ZNF197: variants seen among roughly 807,000 people sequenced by gnomAD.
The protein encoded by ZNF197 is zinc finger protein 197, also known as VHL-associated KRAB-A domain-containing protein.
Under a neutral mutation model 27.4 loss-of-function variants are expected in ZNF197, and 14 were observed. The ratio of observed to expected loss-of-function variants is 0.51; its 90% CI spans 0.34 to 0.80. ZNF197 has a LOEUF of 0.80. ZNF197 is among the 30% of genes least tolerant of loss of function. ZNF197 has a pLI of 0.02. For missense variants in ZNF197, 1,090 were observed against 1,222.6 expected (o/e 0.89, Z 1.62); for synonymous variants, 415 against 420.0 (o/e 0.99, Z 0.15).
At chr3:44,627,620 C>G (rs1193907220) in intron 1 of ZNF197, among the ~76,000 whole-genome samples, 1 of 152,040 alleles carries the variant, frequency 6.6e-6, no homozygotes, top group Non-Finnish European at 1.5e-5. Context: ...ATCACGAGGT[C>G]AAGAGATTGA....
intron 5 of ZNF197, among the ~76,000 whole-genome samples, chr3:44,639,152 T>C (rs974222365): frequency 2.0e-5 from 3 of 152,256 alleles, no homozygotes; most frequent in Admixed American, 2.0e-4. Context: ...TATACCAACA[T>C]TATTTTCCTG....
rs1457865167 is a variant in ZNF197, at chr3:44,629,079, A to G, written c.-76A>G. The stretch of plus-strand genomic sequence containing the variant: ...GATTTCTTGAGGTCTTGTAGATGAT[A>G]CTCTCCAAGCTGTAAGGAAGAAGTC... On this transcript the variant is annotated 5_prime_UTR_variant, in exon 2 of 6. The change creates a new upstream start codon in the 5' untranslated region. Coordinates refer to ENST00000344387, the MANE Select transcript of ZNF197 (RefSeq NM_006991.5). 2.0e-6 allele frequency: 3 copies of G among 1,517,870 alleles called. No homozygotes were observed. The highest frequency in any genetic ancestry group is 1.4e-5 in the South Asian group (1 of 73,202). The allele number at this position is 1,517,870 out of a possible 1,614,324, so 94.0% of individuals were successfully genotyped here. A position where few individuals can be genotyped will look rare whatever the true frequency, so the allele number is the denominator to read the frequency against.
rs1426571796 is a variant in ZNF197 at position 44,647,704 on chromosome 3, A to G, written c.*3484A>G. The G allele has an allele frequency of 6.6e-6, 1 of 152,258 alleles. No individual in the cohort carries two copies. The highest frequency in any genetic ancestry group is 1.5e-5 in the Non-Finnish European group (1 of 68,038). The allele number at this position is 152,258 out of a possible 1,614,324, so 9.4% of individuals were successfully genotyped here. ...TGAGTGAAAATAATCACAAAAGGCCATATTCTGTATGAAAATATTCATATA... is the reference window on the plus strand; with the variant it reads ...TGAGTGAAAATAATCACAAAAGGCCGTATTCTGTATGAAAATATTCATATA... On this transcript the variant is annotated 3_prime_UTR_variant, in exon 6 of 6. Transcript: ENST00000344387.
intron 5 of ZNF197, among the ~76,000 whole-genome samples, chr3:44,633,002 C>T (rs1013410380): frequency 3.9e-5 from 6 of 152,264 alleles, no homozygotes; most frequent in Non-Finnish European, 5.9e-5. Flanking sequence ...TGCCTAAGGC[C>T]TTCTAAAATG....
chr3:44,635,183 A>C (rs544567689), intron 5 of ZNF197, among the ~76,000 whole-genome samples: 2 of 150,238 alleles, frequency 1.3e-5, no homozygotes, highest in East Asian at 1.9e-4. Context: ...AAAAAAAAAA[A>C]CCAATAAAAT....
rs574855109 is a variant in ZNF197 at position 44,632,290 on chromosome 3, C to T, written c.642+94C>T. On this transcript the variant is annotated intron_variant, in intron 4 of 5. Transcript: ENST00000344387. ...CTTGTGCTTCAATGTCCAGTCAGTTCCCATTTCTAAATCAGGGTCTATGCT... is the reference window on the plus strand; with the variant it reads ...CTTGTGCTTCAATGTCCAGTCAGTTTCCATTTCTAAATCAGGGTCTATGCT... 2.0e-6 allele frequency: 3 copies of T among 1,529,362 alleles called. No individual in the cohort carries two copies. In the South Asian group the frequency reaches 3.4e-5, roughly 17 times the overall value. The allele number at this position is 1,529,362 out of a possible 1,614,324, so 94.7% of individuals were successfully genotyped here.
rs1265971104 is a variant in ZNF197, at chr3:44,640,169, A to G, written c.770-1731A>G. On this transcript the variant is annotated intron_variant, in intron 5 of 5. Transcript: ENST00000344387. The surrounding 1 kb of genome is among the most constrained non-coding windows in gnomAD (Gnocchi z 4.0). ...TTTTCTACAAAGTCTTAAAAAGCTC[A>G]AGAGGCCCATATATAGTCTGATTCC... Among the ~76,000 whole-genome samples, 1 of 152,218 alleles carries G rather than the reference A, an allele frequency of 6.6e-6. No homozygotes were observed. Among genetic ancestry groups the G allele is most frequent in the African/African-American group, 2.4e-5 (1 of 41,462 alleles).
At position 44,629,143 on chromosome 3, in the gene ZNF197, C is replaced by CAA. The variant is rs781155548; in HGVS notation, c.-7_-6dup. 1 of 1,591,874 alleles carries CAA rather than the reference C, an allele frequency of 6.3e-7. No individual in the cohort carries two copies. Among genetic ancestry groups the CAA allele is most frequent in the Non-Finnish European group, 8.5e-7 (1 of 1,172,786 alleles). On this transcript the variant is annotated 5_prime_UTR_variant, in exon 2 of 6. Transcript: ENST00000344387. ...ACCTGGACTGGAGAGGAGCCTTTTT[C>CAA]AAAAAACAACAATGACAAGAGAAAA... is the stretch of plus-strand genomic sequence containing the variant.
At chr3:44,639,968 G>C (rs1702505926) in intron 5 of ZNF197, among the ~76,000 whole-genome samples, 1 of 152,168 alleles carries the variant, frequency 6.6e-6, no homozygotes, top group Non-Finnish European at 1.5e-5. Context: ...GTTTTGTGCA[G>C]GTAAGTGACA....
In ZNF197 at chr3:44,647,477, C is replaced by G. The variant is rs558136971; in HGVS notation, c.*3257C>G. 2 of 152,076 alleles carry G rather than the reference C, an allele frequency of 1.3e-5. No individual in the cohort carries two copies. The highest frequency in any genetic ancestry group is 2.4e-5 in the African/African-American group (1 of 41,416). The allele number at this position is 152,076 out of a possible 1,614,324, so 9.4% of individuals were successfully genotyped here. On this transcript the variant is annotated 3_prime_UTR_variant, in exon 6 of 6. Transcript: ENST00000344387. ...TTTATCCCAGAGAAATGAAAACTTG[C>G]GTTCACACAAAAACCTGTATACGAA...
Position 44,646,127 on chromosome 3 carries a change from C to G in ZNF197, c.*1907C>G. On this transcript the variant is annotated 3_prime_UTR_variant, in exon 6 of 6. Transcript: ENST00000344387. ...CTGGAAGGGGCCTAAGGCTTAAAGT[C>G]TTAAGACCTGGATGTGGTTCAGGTT... The G allele has an allele frequency of 1.0e-6, 1 of 985,320 alleles. No homozygotes were observed. The highest frequency in any genetic ancestry group is 1.2e-6 in the Non-Finnish European group (1 of 829,864). The allele number at this position is 985,320 out of a possible 1,614,324, so 61.0% of individuals were successfully genotyped here. A position where few individuals can be genotyped will look rare whatever the true frequency, so the allele number is the denominator to read the frequency against.
At chr3:44,632,334 C>A in intron 4 of ZNF197, 138 bp downstream of exon 4, 3 of 1,479,384 alleles carry the variant, frequency 2.0e-6, no homozygotes, top group South Asian at 1.2e-5. Context: ...ACAGACTTTA[C>A]ATGTGATCTC....
intron 4 of ZNF197, 132 bp downstream of exon 4, chr3:44,632,328 A>T: frequency 6.7e-7 from 1 of 1,489,362 alleles, no homozygotes; most frequent in Admixed American, 1.8e-5. Context: ...TGGAAGACAG[A>T]CTTTACATGT....
intron 5 of ZNF197, among the ~76,000 whole-genome samples, chr3:44,639,483 T>TA (rs1221777976): frequency 6.6e-6 from 1 of 151,238 alleles, no homozygotes; most frequent in Non-Finnish European, 1.5e-5. Context: ...TTTTTTTTTT[T>TA]AATTATTGAT....
rs1459835898 is a variant in ZNF197 at position 44,645,411 on chromosome 3, G to T, written c.*1191G>T. 2.0e-6 allele frequency: 2 copies of T among 985,206 alleles called. No homozygotes were observed. Among genetic ancestry groups the T allele is most frequent in the East Asian group, 2.3e-4 (2 of 8,808 alleles). The allele number at this position is 985,206 out of a possible 1,614,324, so 61.0% of individuals were successfully genotyped here. On this transcript the variant is annotated 3_prime_UTR_variant, in exon 6 of 6. Coordinates refer to ENST00000344387, the MANE Select transcript of ZNF197 (RefSeq NM_006991.5). ...AGCTAACTGGAATTTAGTGTTCTAA[G>T]AATAATTTTGTTAAATTTACCTTTA...
At position 44,646,161 on chromosome 3, in the gene ZNF197, T is replaced by C. The variant is rs140040968; in HGVS notation, c.*1941T>C. ...TGGATGTGGTTCAGGTTTTGCCATC[T>C]GCCTCAGAAAAAATCTCTTCAGTTC... On this transcript the variant is annotated 3_prime_UTR_variant, in exon 6 of 6. Coordinates refer to ENST00000344387, the MANE Select transcript of ZNF197 (RefSeq NM_006991.5). 215 of 984,116 alleles carry C rather than the reference T, an allele frequency of 2.2e-4. 1 individual carries two copies. Among genetic ancestry groups the C allele is most frequent in the African/African-American group, 1.7e-3 (98 of 57,342 alleles). The allele number at this position is 984,116 out of a possible 1,614,324, so 61.0% of individuals were successfully genotyped here.
At chr3:44,629,680 T>A in intron 2 of ZNF197, 136 bp downstream of exon 2, 1 of 1,182,428 alleles carries the variant, frequency 8.5e-7, no homozygotes, top group Non-Finnish European at 1.1e-6. Flanking sequence ...TAATGATAAT[T>A]AAAGCAGGTC....
In ZNF197 at chr3:44,631,157, A is replaced by G; in HGVS notation, c.486A>G (p.Ala162=). The G allele has an allele frequency of 1.9e-6, 3 of 1,614,162 alleles. No individual in the cohort carries two copies. The highest frequency in any genetic ancestry group is 2.5e-6 in the Non-Finnish European group (3 of 1,180,032). Residue 162 remains alanine (A), a synonymous_variant, in exon 3 of 6, where the codon GCA becomes GCG. Transcript: ENST00000344387. ...LPPVLPGSHI[A]AEICPHPPTD... Reference sequence around the variant, plus strand: ...CTGTACTTCCTGGCAGCCACATAGCAGCTGAAATTTGCCCGCATCCTCCTA... The same window carrying G: ...CTGTACTTCCTGGCAGCCACATAGCGGCTGAAATTTGCCCGCATCCTCCTA...
intron 1 of ZNF197, among the ~76,000 whole-genome samples, chr3:44,626,771 T>C (rs1014970794): frequency 1.3e-5 from 2 of 152,206 alleles, no homozygotes; most frequent in Non-Finnish European, 1.5e-5. Context: ...GAGGTCAAAT[T>C]GGCAATATCA....
Sources: allele counts gnomAD v4.1 joint callset (sites outside exome capture counted in the v4.1 genomes callset), GRCh38; gene constraint gnomAD v4.1.1; non-coding constraint Gnocchi (gnomAD v3.1); transcripts MANE v1.5; gene names NCBI Gene and HGNC (gene_info 2026-07-23, HGNC 2026-07-21).